The following SLC24A2 variants were observed in gnomAD, a reference collection of about 807,000 sequenced individuals.
SLC24A2 encodes sodium/potassium/calcium exchanger 2.
SLC24A2 carries 36 observed loss-of-function variants against 62.0 expected under a neutral mutation model. The observed-to-expected ratio is 0.58, with a 90% confidence interval of 0.44 to 0.77. The LOEUF is 0.77. SLC24A2 is among the 30% of genes least tolerant of loss of function. The probability of loss-of-function intolerance (pLI) is 0.00; values close to 1 mark genes in which losing one functional copy is unlikely to be tolerated. For synonymous variants in SLC24A2, 358 were observed against 294.0 expected, an observed-to-expected ratio of 1.22 and a Z score of -2.23; for missense variants, 846 against 817.9, an observed-to-expected ratio of 1.03 and a Z score of -0.42.
chr9:19,899,973 G>C, the SLC24A2 span, among the ~76,000 whole-genome samples: 1 of 152,030 alleles, frequency 6.6e-6, no homozygotes, highest in East Asian at 1.9e-4. Context: ...ATGTGTGTGG[G>C]GACACAGCCA....
chr9:19,539,543 A>G (rs1156423821), intron 8 of SLC24A2, among the ~76,000 whole-genome samples: 2 of 131,992 alleles, frequency 1.5e-5, no homozygotes, highest in Admixed American at 1.6e-4. Context: ...CCTGAGTTCT[A>G]GTTTGATTGC....
chr9:20,078,297 C>G, the SLC24A2 span, among the ~76,000 whole-genome samples: 1 of 152,012 alleles, frequency 6.6e-6, no homozygotes, highest in Non-Finnish European at 1.5e-5. Flanking sequence ...ATTCTTCCAG[C>G]CTCCCCACTT....
chr9:19,659,978 G>A (rs1201545177), intron 2 of SLC24A2, among the ~76,000 whole-genome samples: 1 of 152,196 alleles, frequency 6.6e-6, no homozygotes, highest in African/African-American at 2.4e-5. Flanking sequence ...AGAGACTTAC[G>A]AGGGGACCAA....
chr9:19,558,639 C>T (rs1835228118), intron 7 of SLC24A2, among the ~76,000 whole-genome samples: 1 of 152,190 alleles, frequency 6.6e-6, no homozygotes, highest in African/African-American at 2.4e-5. Context: ...TTAGCAAGAA[C>T]TGAAATAGGA....
the SLC24A2 span, among the ~76,000 whole-genome samples, chr9:19,982,905 T>C: frequency 1.3e-5 from 2 of 152,114 alleles, no homozygotes; most frequent in Admixed American, 1.3e-4. Flanking sequence ...ACCACATTAA[T>C]AGAATAAGAG....
At chr9:20,002,041 C>G in the SLC24A2 span, among the ~76,000 whole-genome samples, 1 of 152,238 alleles carries the variant, frequency 6.6e-6, no homozygotes, top group African/African-American at 2.4e-5. Flanking sequence ...TTGAGGCAGT[C>G]CTCAGGGCTG....
At chr9:20,100,629 C>A in the SLC24A2 span, among the ~76,000 whole-genome samples, 5 of 152,196 alleles carry the variant, frequency 3.3e-5, no homozygotes, top group African/African-American at 1.2e-4. Flanking sequence ...TAGTGTTCAA[C>A]AAATGCTTTA....
chr9:20,243,028 GT>G, the SLC24A2 span, among the ~76,000 whole-genome samples: 1 of 152,104 alleles, frequency 6.6e-6, no homozygotes, highest in Non-Finnish European at 1.5e-5. Flanking sequence ...ACCCAGCAGT[GT>G]TTTATTTCTC....
intron 2 of SLC24A2, among the ~76,000 whole-genome samples, chr9:19,660,153 T>A (rs2118232387): frequency 6.6e-6 from 1 of 152,300 alleles, no homozygotes; most frequent in East Asian, 1.9e-4. Context: ...AGTGCCTGTG[T>A]CTCTACATAT....
intron 9 of SLC24A2, among the ~76,000 whole-genome samples, chr9:19,527,731 T>C (rs1038389620): frequency 2.0e-5 from 3 of 152,210 alleles, no homozygotes; most frequent in Non-Finnish European, 4.4e-5. Flanking sequence ...AAGTCAGTAC[T>C]ACTGAACCAG....
intron 8 of SLC24A2, among the ~76,000 whole-genome samples, chr9:19,548,879 T>C (rs982730650): frequency 6.6e-6 from 1 of 152,220 alleles, no homozygotes; most frequent in Non-Finnish European, 1.5e-5. Context: ...AATGAGACTC[T>C]CACGAGGAAC....
At chr9:19,812,788 T>G in the SLC24A2 span, among the ~76,000 whole-genome samples, 2 of 152,190 alleles carry the variant, frequency 1.3e-5, no homozygotes, top group Non-Finnish European at 2.9e-5. Flanking sequence ...TCACCATTTT[T>G]TTTTGACAGA....
the SLC24A2 span, among the ~76,000 whole-genome samples, chr9:20,034,451 GTTTTTTTTTT>G: frequency 2.4e-5 from 2 of 83,180 alleles, no homozygotes; most frequent in African/African-American, 5.3e-5. Flanking sequence ...GGCCTTTTAA[GTTTTTTTTTT>G]TTTTTTTTTT....
At chr9:19,591,195 T>G (rs1384181376) in intron 5 of SLC24A2, among the ~76,000 whole-genome samples, 1 of 152,226 alleles carries the variant, frequency 6.6e-6, no homozygotes, top group East Asian at 1.9e-4. Context: ...CAGCTCTGCC[T>G]GACCTCTATC....
intron 2 of SLC24A2, among the ~76,000 whole-genome samples, chr9:19,675,076 C>T (rs1047273942): frequency 1.3e-5 from 2 of 152,134 alleles, no homozygotes; most frequent in African/African-American, 2.4e-5. Flanking sequence ...CTCTCCCTTC[C>T]CCTAGGGATG....
the SLC24A2 span, among the ~76,000 whole-genome samples, chr9:19,961,639 C>T: frequency 6.6e-6 from 1 of 152,196 alleles, no homozygotes; most frequent in South Asian, 2.1e-4. Context: ...GTAATACTCT[C>T]TTCCTGTCAA....
chr9:20,109,619 G>A, the SLC24A2 span, among the ~76,000 whole-genome samples: 2 of 152,334 alleles, frequency 1.3e-5, no homozygotes, highest in Admixed American at 1.3e-4. Context: ...GGAATTAAGT[G>A]TATCTTGCGT....
At chr9:19,982,309 G>C in the SLC24A2 span, among the ~76,000 whole-genome samples, 3 of 152,186 alleles carry the variant, frequency 2.0e-5, no homozygotes, top group Non-Finnish European at 4.4e-5. Flanking sequence ...TTTGTTGGCG[G>C]AGGAGAAATG....
chr9:19,630,027 T>C (rs1020274189), intron 2 of SLC24A2, among the ~76,000 whole-genome samples: 1 of 152,194 alleles, frequency 6.6e-6, no homozygotes, highest in Non-Finnish European at 1.5e-5. Context: ...GGAACCTGCA[T>C]TTCAGAATAA....
Sources: gnomAD v4.1 joint callset for allele counts (sites outside exome capture counted in the v4.1 genomes callset) on GRCh38, gnomAD v4.1.1 for gene constraint, MANE v1.5 for transcripts, NCBI Gene and HGNC (gene_info 2026-07-23, HGNC 2026-07-21) for gene names.